TRIM33: variants seen among roughly 807,000 people sequenced by gnomAD.
TRIM33 encodes the protein tripartite motif containing 33.
A neutral mutation model predicts 125.4 loss-of-function variants in TRIM33; 20 were observed. That is an observed-to-expected ratio of 0.16 (90% CI 0.11 to 0.23). The LOEUF (loss-of-function observed/expected upper bound fraction) is 0.23. Among genes scored for constraint, TRIM33 ranks in the 10% least tolerant of loss-of-function variants. The probability of loss-of-function intolerance (pLI) is 1.00; values close to 1 mark genes in which losing one functional copy is unlikely to be tolerated. For missense variants in TRIM33, 920 were observed against 1,411.4 expected (o/e 0.65, Z 5.58); for synonymous variants, 564 against 513.9 (o/e 1.10, Z -1.32).
intron 5 of TRIM33, 111 bp from the exon 6 acceptor site, chr1:114,431,023 A>C: frequency 1.5e-6 from 1 of 689,206 alleles, no homozygotes; most frequent in South Asian, 1.8e-5. Flanking sequence ...TTAAAATGAA[A>C]ACTTTGTCAA....
intron 1 of TRIM33, among the ~76,000 whole-genome samples, chr1:114,472,222 TA>T (rs1650695778): frequency 7.2e-5 from 11 of 152,166 alleles, no homozygotes; most frequent in Admixed American, 7.2e-4. Context: ...ATTCCAAAAT[TA>T]AATATTTTAA....
chr1:114,463,231 C>G lies in TRIM33; in HGVS notation c.796G>C (p.Val266Leu). The G allele has an allele frequency of 6.3e-7, 1 of 1,594,086 alleles. No homozygotes were observed. Among genetic ancestry groups the G allele is most frequent in the Non-Finnish European group, 8.5e-7 (1 of 1,174,886 alleles). The change falls in exon 4 of 20, where the codon GTT (valine) becomes CTT (leucine). Residue 266 changes from valine to leucine, a missense_variant. By Grantham distance (32) the Val-to-Leu change is conservative. Transcript: ENST00000358465. ...IRKKEDVSES[V>L]GASGQRPVFC... Reference sequence around the variant, plus strand: ...ACAGGGCGTTGACCAGATGCTCCAACAGACTCTGTAGCAAAATAAAACAAA... The same window carrying G: ...ACAGGGCGTTGACCAGATGCTCCAAGAGACTCTGTAGCAAAATAAAACAAA...
In TRIM33 at chr1:114,405,570, T is replaced by C. The variant is rs1455359254; in HGVS notation, c.2608A>G (p.Arg870Gly). 6.2e-7 allele frequency: 1 copy of C among 1,614,112 alleles called. No homozygotes were observed. The highest frequency in any genetic ancestry group is 8.5e-7 in the Non-Finnish European group (1 of 1,180,040). Residue 870 changes from arginine to glycine, a missense_variant, in exon 15 of 20, where the codon AGG becomes GGG. This residue lies in a region of TRIM33 where 407 missense variants were observed against 589.7 expected (regional missense o/e 0.69). Transcript: ENST00000358465. ...CCATCTCCTCCAATCCTTGCCGACC[T>C]GTGCATGAGGCTTCGAATTGGGGAC... is the stretch of plus-strand genomic sequence containing the variant. ...GKSPIRSLMH[R>G]SARIGGDGNN...
chr1:114,427,339 A>T (rs201855422), intron 7 of TRIM33, 45 bp from the exon 8 acceptor site: 2 of 1,015,302 alleles, frequency 2.0e-6, no homozygotes, highest in African/African-American at 1.6e-5. Context: ...TTAAATATCA[A>T]TTGGGAAATC....
chr1:114,393,692 T>C lies in TRIM33; in HGVS notation c.*3956A>G, dbSNP rs1571995447. On this transcript the variant is annotated 3_prime_UTR_variant, in exon 20 of 20. Coordinates refer to ENST00000358465, the MANE Select transcript of TRIM33 (RefSeq NM_015906.4). ...AAACCATTATATTCAAGAGTACGTG[T>C]TGAATCTGAAATGTCTATGTAAACT... 1 of 214,210 alleles carries C rather than the reference T, an allele frequency of 4.7e-6. No homozygotes were observed. The highest frequency in any genetic ancestry group is 2.3e-5 in the African/African-American group (1 of 44,296). 13.3% of individuals were successfully genotyped at this position (214,210 alleles called of 1,614,324 possible).
chr1:114,398,637 T>C (rs1651680953), intron 18 of TRIM33, among the ~76,000 whole-genome samples: 1 of 152,092 alleles, frequency 6.6e-6, no homozygotes, highest in Admixed American at 6.5e-5. Context: ...CAGAGGCAGC[T>C]ATAGGAATAC....
At chr1:114,443,245 G>A (rs541159412) in intron 4 of TRIM33, among the ~76,000 whole-genome samples, 68 of 152,200 alleles carry the variant, frequency 4.5e-4, no homozygotes, top group Non-Finnish European at 8.8e-4. Context: ...TTAGCCAGGT[G>A]TGGTGGCATG....
intron 11 of TRIM33, among the ~76,000 whole-genome samples, chr1:114,418,293 C>T (rs1265418249): frequency 4.6e-5 from 7 of 152,186 alleles, no homozygotes; most frequent in Admixed American, 3.9e-4. Flanking sequence ...GTCCTTCCCT[C>T]GACCAGTAGG....
rs147550206 is a variant in TRIM33, at chr1:114,496,801, T to C, written c.526+13750A>G. On this transcript the variant is annotated intron_variant, in intron 1 of 19. Coordinates refer to ENST00000358465, the MANE Select transcript of TRIM33 (RefSeq NM_015906.4). ...CCATGTTTGAAGAGCCTCATTTTCA[T>C]TTTTTATTTTTAAGAAATTCTGCTG... 2.0e-5 allele frequency among the ~76,000 whole-genome samples: 3 copies of C among 152,308 alleles called. No individual in the cohort carries two copies. The East Asian group carries it at 5.8e-4, about 29-fold the overall frequency.
intron 1 of TRIM33, among the ~76,000 whole-genome samples, chr1:114,495,079 A>C (rs1187883840): frequency 1.3e-5 from 2 of 151,984 alleles, no homozygotes; most frequent in Non-Finnish European, 2.9e-5. Flanking sequence ...ACACCTGGCT[A>C]ATTTTTGTAT....
chr1:114,435,224 C>T (rs188677627), intron 4 of TRIM33, among the ~76,000 whole-genome samples: 3 of 152,288 alleles, frequency 2.0e-5, no homozygotes, highest in Middle Eastern at 6.8e-3. Context: ...AACTCTAAGA[C>T]AGTAACTCAT....
At position 114,405,607 on chromosome 1, in the gene TRIM33, A is replaced by G; in HGVS notation, c.2571T>C (p.Leu857=). The G allele has an allele frequency of 6.2e-7, 1 of 1,614,178 alleles. No homozygotes were observed. Among genetic ancestry groups the G allele is most frequent in the Non-Finnish European group, 8.5e-7 (1 of 1,180,022 alleles). The change falls in exon 15 of 20, where the codon CTT becomes CTC. Residue 857 remains leucine, a synonymous_variant. Coordinates refer to ENST00000358465, the MANE Select transcript of TRIM33 (RefSeq NM_015906.4). ...TTCGAATTGGGGACTTTCCATTAAC[A>G]AGGCTGCTGAGCCCTGACTGTTTGC... ...ESCKQSGLSS[L]VNGKSPIRSL... is the part of the protein sequence containing the mutation.
At chr1:114,409,347 A>G (rs1173547469) in intron 12 of TRIM33, among the ~76,000 whole-genome samples, 1 of 152,220 alleles carries the variant, frequency 6.6e-6, no homozygotes, top group Non-Finnish European at 1.5e-5. Context: ...GGATTTTGGA[A>G]GAGAGCTACA....
intron 1 of TRIM33, among the ~76,000 whole-genome samples, chr1:114,477,072 C>T (rs531545123): frequency 6.6e-6 from 1 of 152,222 alleles, no homozygotes; most frequent in East Asian, 1.9e-4. Flanking sequence ...GAAATATTAG[C>T]AAACATTCTG....
At chr1:114,401,534 C>G in intron 16 of TRIM33, 71 bp from the exon 17 acceptor site, 1 of 1,300,004 alleles carries the variant, frequency 7.7e-7, no homozygotes, top group Non-Finnish European at 1.1e-6. Context: ...AGAATGAGAA[C>G]TATATCACAA....
chr1:114,510,594 G>A lies in TRIM33; in HGVS notation c.483C>T (p.Leu161=). The change falls in exon 1 of 20, where the codon CTC becomes CTT. Residue 161 remains leucine, a synonymous_variant. Transcript: ENST00000358465. ...LRCLPEPERQ[L]SVPIPGGSNG... The stretch of plus-strand genomic sequence containing the variant: ...TGCTGCCCCCCGGGATGGGCACGCT[G>A]AGCTGGCGCTCCGGCTCGGGCAGGC... 3.2e-6 allele frequency: 5 copies of A among 1,547,202 alleles called. No homozygotes were observed. The highest frequency in any genetic ancestry group is 4.3e-6 in the Non-Finnish European group (5 of 1,151,804).
chr1:114,399,817 C>T (rs566883068), intron 17 of TRIM33, among the ~76,000 whole-genome samples: 1 of 152,024 alleles, frequency 6.6e-6, no homozygotes, highest in East Asian at 1.9e-4. Context: ...TAGTCCAAGT[C>T]CCCAAAGTCC....
At chr1:114,414,481 AT>A (rs1652803660) in intron 11 of TRIM33, among the ~76,000 whole-genome samples, 1 of 151,814 alleles carries the variant, frequency 6.6e-6, no homozygotes, top group African/African-American at 2.4e-5. Context: ...ACCTTGTGGG[AT>A]TTGAAATTCT....
chr1:114,486,981 G>T (rs934459960), intron 1 of TRIM33, among the ~76,000 whole-genome samples: 1 of 151,700 alleles, frequency 6.6e-6, no homozygotes, highest in African/African-American at 2.4e-5. Flanking sequence ...CAGTTACTTG[G>T]GAGGCTGAAG....
Sources: allele counts gnomAD v4.1 joint callset (sites outside exome capture counted in the v4.1 genomes callset), GRCh38; gene constraint gnomAD v4.1.1; regional missense constraint gnomAD v4.1.1; transcripts MANE v1.5; gene names NCBI Gene and HGNC (gene_info 2026-07-23, HGNC 2026-07-21).